DTL: variants seen among roughly 807,000 people sequenced by gnomAD.
DTL encodes the protein denticleless protein homolog.
DTL carries 46 observed loss-of-function variants against 87.0 expected under a neutral mutation model. That is an observed-to-expected ratio of 0.53 (90% CI 0.42 to 0.68). The LOEUF (loss-of-function observed/expected upper bound fraction) is 0.68. DTL is among the 30% of genes least tolerant of loss of function. The probability of loss-of-function intolerance (pLI) is 0.00; values close to 1 mark genes in which losing one functional copy is unlikely to be tolerated. For missense variants in DTL, 737 were observed against 869.4 expected (o/e 0.85, Z 1.91); for synonymous variants, 308 against 311.2 (o/e 0.99, Z 0.11).
intron 7 of DTL, 79 bp downstream of exon 7, chr1:212,065,108 A>G: frequency 2.0e-6 from 2 of 1,017,634 alleles, no homozygotes; most frequent in Middle Eastern, 2.1e-4. Flanking sequence ...GATTAAGTGA[A>G]TGAGAATCTT....
chr1:212,035,973 C>G, intron 1 of DTL, 31 bp downstream of exon 1: 2 of 1,610,402 alleles, frequency 1.2e-6, no homozygotes, highest in African/African-American at 1.3e-5. Flanking sequence ...CTGCTCGGAG[C>G]TGGCGGAATT....
At chr1:212,102,098 C>T (rs1395553891) in intron 14 of DTL, among the ~76,000 whole-genome samples, 2 of 152,112 alleles carry the variant, frequency 1.3e-5, no homozygotes, top group Admixed American at 6.5e-5. Context: ...TGTTCATAAC[C>T]CCGACCTGCT....
intron 10 of DTL, among the ~76,000 whole-genome samples, chr1:212,069,376 TTAG>T (rs1214402726): frequency 1.3e-5 from 2 of 152,146 alleles, no homozygotes; most frequent in African/African-American, 4.8e-5. Context: ...AAGCAACATC[TTAG>T]TAGCCTGGTT....
In DTL at chr1:212,070,809, T is replaced by C. The variant is rs17018430; in HGVS notation, c.923-1292T>C. 9.6e-3 allele frequency among the ~76,000 whole-genome samples: 1,461 copies of C among 152,274 alleles called. 30 individuals carry two copies. The highest frequency in any genetic ancestry group is 0.033 in the African/African-American group (1,370 of 41,554). On this transcript the variant is annotated intron_variant, in intron 10 of 14. Coordinates refer to ENST00000366991, the MANE Select transcript of DTL (RefSeq NM_016448.4). ...CCCAGATCACCAAAGCAAGATTAAA[T>C]TGAGCTCATTAAAGCCAACATACAT...
At chr1:212,042,896 TA>T in intron 1 of DTL, 96 bp from the exon 2 acceptor site, 2 of 1,212,638 alleles carry the variant, frequency 1.6e-6, no homozygotes, top group Non-Finnish European at 2.3e-6. Context: ...TGTTAATATC[TA>T]AAGTTTCTTA....
At chr1:212,042,633 G>C (rs1421401161) in intron 1 of DTL, among the ~76,000 whole-genome samples, 1 of 152,194 alleles carries the variant, frequency 6.6e-6, no homozygotes, top group Non-Finnish European at 1.5e-5. Context: ...TTTAATTGAA[G>C]GGGATAGCAG....
intron 10 of DTL, among the ~76,000 whole-genome samples, chr1:212,069,076 C>A (rs1191561215): frequency 6.6e-6 from 1 of 152,024 alleles, no homozygotes; most frequent in Non-Finnish European, 1.5e-5. Flanking sequence ...AATTTTCATA[C>A]CCCCAAAATA....
chr1:212,041,882 C>T (rs1358097238), intron 1 of DTL, among the ~76,000 whole-genome samples: 2 of 152,134 alleles, frequency 1.3e-5, no homozygotes, highest in African/African-American at 2.4e-5. Context: ...GACGTGATGG[C>T]CCCAGAACTA....
At chr1:212,101,149 C>A in intron 14 of DTL, 65 bp downstream of exon 14, 43 of 983,996 alleles carry the variant, frequency 4.4e-5, no homozygotes, top group Non-Finnish European at 5.1e-5. Context: ...CCAGATGTCT[C>A]AAGTCAGGAT....
At chr1:212,041,703 G>T (rs1249341260) in intron 1 of DTL, among the ~76,000 whole-genome samples, 1 of 152,028 alleles carries the variant, frequency 6.6e-6, no homozygotes, top group African/African-American at 2.4e-5. Flanking sequence ...GTAGAGACGG[G>T]GTTTCACCGT....
chr1:212,043,898 T>G (rs542426066), intron 2 of DTL, among the ~76,000 whole-genome samples: 1 of 150,902 alleles, frequency 6.6e-6, no homozygotes, highest in East Asian at 1.9e-4. Flanking sequence ...AAAGAAAAAG[T>G]TGTGACAAGG....
chr1:212,064,367 C>T (rs953817333), intron 6 of DTL, among the ~76,000 whole-genome samples: 45 of 152,174 alleles, frequency 3.0e-4, no homozygotes, highest in Non-Finnish European at 1.3e-4. Flanking sequence ...TATGTCAACA[C>T]ATGCTGTCAC....
In DTL at chr1:212,066,826, T is replaced by C. The variant is rs1356314268; in HGVS notation, c.654T>C (p.Ser218=). 6 of 1,613,764 alleles carry C rather than the reference T, an allele frequency of 3.7e-6. No homozygotes were observed. The highest frequency in any genetic ancestry group is 4.2e-6 in the Non-Finnish European group (5 of 1,179,786). The change falls in exon 8 of 15, where the codon AGT becomes AGC. Residue 218 remains serine (S), a synonymous_variant. Transcript: ENST00000366991. ...GLAPSVDFQQ[S]VTVVLFQDEN... ...TGTGCTATCAGGATTTCCAGCAAAG[T>C]GTTACTGTGGTCCTCTTTCAAGACG... is the stretch of plus-strand genomic sequence containing the variant.
chr1:212,079,206 AT>A, intron 12 of DTL, among the ~76,000 whole-genome samples: 1 of 151,340 alleles, frequency 6.6e-6, no homozygotes, highest in Non-Finnish European at 1.5e-5. Flanking sequence ...TATTAATGAT[AT>A]TTTTTCCTCT....
At chr1:212,076,095 T>A (rs1235889027) in intron 11 of DTL, among the ~76,000 whole-genome samples, 1 of 152,224 alleles carries the variant, frequency 6.6e-6, no homozygotes, top group Middle Eastern at 3.2e-3. Flanking sequence ...GACCACATTT[T>A]GTTTATTCAT....
intron 5 of DTL, among the ~76,000 whole-genome samples, chr1:212,056,368 C>A (rs1668178720): frequency 6.6e-6 from 1 of 152,176 alleles, no homozygotes; most frequent in African/African-American, 2.4e-5. Flanking sequence ...TCTAATCTAC[C>A]AACGAAACCA....
At chr1:212,081,980 A>G (rs938021740) in intron 13 of DTL, among the ~76,000 whole-genome samples, 5 of 152,298 alleles carry the variant, frequency 3.3e-5, no homozygotes, top group African/African-American at 1.2e-4. Context: ...ACACAGGGTG[A>G]AGATAGCTAT....
chr1:212,068,727 C>T, intron 10 of DTL, 24 bp downstream of exon 10: 1 of 1,460,174 alleles, frequency 6.8e-7, no homozygotes, highest in South Asian at 1.2e-5. Context: ...CATTCAAATT[C>T]TCTTACCAGG....
chr1:212,100,232 G>A lies in DTL; in HGVS notation c.1262-20G>A, dbSNP rs765610576. The A allele has an allele frequency of 6.0e-6, 9 of 1,500,102 alleles. No individual in the cohort carries two copies. Among genetic ancestry groups the A allele is most frequent in the Middle Eastern group, 3.6e-4 (2 of 5,616 alleles). The allele number at this position is 1,500,102 out of a possible 1,614,324, so 92.9% of individuals were successfully genotyped here. A position where few individuals can be genotyped will look rare whatever the true frequency, so the allele number is the denominator to read the frequency against. ...TATGGCTTTCACTTCTGATCTTCAT[G>A]ATCCTCTCCTCTTTTTCAGTAACAG... On this transcript the variant is annotated intron_variant, in intron 13 of 14. Transcript: ENST00000366991.
Sources: allele counts gnomAD v4.1 joint callset (sites outside exome capture counted in the v4.1 genomes callset), GRCh38; gene constraint gnomAD v4.1.1; transcripts MANE v1.5; gene names NCBI Gene and HGNC (gene_info 2026-07-23, HGNC 2026-07-21).